Variants in FAM227B observed in about 807,000 individuals in gnomAD.
FAM227B encodes the protein family with sequence similarity 227 member B.
Under a neutral mutation model 73.8 loss-of-function variants are expected in FAM227B, and 88 were observed. That is an observed-to-expected ratio of 1.19 (90% confidence interval 1.00 to 1.42). The LOEUF is 1.42. Among genes scored for constraint, FAM227B ranks in the 40% most tolerant of loss-of-function variants. The pLI is 0.00. For synonymous variants in FAM227B, 210 were observed against 190.5 expected (o/e 1.10, Z -0.84); for missense variants, 632 against 590.9 (o/e 1.07, Z -0.72).
At chr15:49,482,942 A>G (rs1312419509) in intron 11 of FAM227B, among the ~76,000 whole-genome samples, 1 of 152,068 alleles carries the variant, frequency 6.6e-6, no homozygotes. Flanking sequence ...TACAAAATAA[A>G]AAACCATCGG....
At chr15:49,558,926 AC>A (rs1389850582) in intron 9 of FAM227B, among the ~76,000 whole-genome samples, 2 of 151,314 alleles carry the variant, frequency 1.3e-5, no homozygotes, top group Admixed American at 6.6e-5. Context: ...AAAGGTGGAG[AC>A]CCCCCGCCCA....
chr15:49,394,966 T>C (rs181303740), intron 11 of FAM227B, among the ~76,000 whole-genome samples: 81 of 152,302 alleles, frequency 5.3e-4, no homozygotes, highest in Non-Finnish European at 9.1e-4. Flanking sequence ...AAATATTCTT[T>C]AACAATTCTT....
intron 11 of FAM227B, among the ~76,000 whole-genome samples, chr15:49,423,810 A>C (rs11631040): frequency 6.6e-6 from 1 of 151,890 alleles, no homozygotes; most frequent in Non-Finnish European, 1.5e-5. Flanking sequence ...TGAATGGTAC[A>C]GTCATATTCT....
At chr15:49,490,364 C>A (rs1328253550) in intron 11 of FAM227B, among the ~76,000 whole-genome samples, 1 of 151,926 alleles carries the variant, frequency 6.6e-6, no homozygotes, top group Non-Finnish European at 1.5e-5. Flanking sequence ...CAAAGTGATT[C>A]TGTTAAAATA....
At position 49,586,394 on chromosome 15, in the gene FAM227B, T is replaced by C. The variant is rs546603454; in HGVS notation, c.405+1622A>G. On this transcript the variant is annotated intron_variant, in intron 5 of 15. Transcript: ENST00000299338. ...ACCTTATACAAAAGTTAACTCAAGA[T>C]AGATTAAAGACCAAAATGTAAAACC... is the stretch of plus-strand genomic sequence containing the variant. Among the ~76,000 whole-genome samples the C allele has an allele frequency of 2.0e-5, 3 of 152,230 alleles. No homozygotes were observed. The South Asian group carries it at 6.2e-4, about 32-fold the overall frequency.
intron 11 of FAM227B, chr15:49,485,453 A>T (rs2152030491): frequency 6.7e-6 from 1 of 150,136 alleles, no homozygotes; most frequent in South Asian, 2.2e-4. Context: ...TTGTTTTGTT[A>T]TTTAAGTTTA....
At chr15:49,430,841 G>A (rs2050546735) in intron 11 of FAM227B, among the ~76,000 whole-genome samples, 1 of 151,848 alleles carries the variant, frequency 6.6e-6, no homozygotes, top group Non-Finnish European at 1.5e-5. Context: ...CCATCACAAT[G>A]GCAATTAAAT....
intron 6 of FAM227B, 69 bp from the exon 7 acceptor site, chr15:49,576,914 T>A: frequency 1.3e-6 from 1 of 796,802 alleles, no homozygotes; most frequent in Non-Finnish European, 2.1e-6. Context: ...CTCATATAAC[T>A]ACAGAAGACC....
intron 10 of FAM227B, among the ~76,000 whole-genome samples, chr15:49,532,685 A>C (rs1426753832): frequency 6.6e-6 from 1 of 151,822 alleles, no homozygotes; most frequent in African/African-American, 2.4e-5. Context: ...AATATTATTA[A>C]AATATTAGAA....
chr15:49,550,345 C>G (rs901318408), intron 9 of FAM227B, among the ~76,000 whole-genome samples: 2 of 149,586 alleles, frequency 1.3e-5, no homozygotes, highest in South Asian at 4.3e-4. Context: ...CTGACCCCCC[C>G]ACCTCCCTCC....
At chr15:49,477,326 A>G (rs939208218) in intron 11 of FAM227B, among the ~76,000 whole-genome samples, 4 of 152,186 alleles carry the variant, frequency 2.6e-5, no homozygotes, top group African/African-American at 7.2e-5. Flanking sequence ...CCTGTGATTC[A>G]GCTTTTCATC....
chr15:49,362,916 A>G (rs2044500505), intron 13 of FAM227B, among the ~76,000 whole-genome samples: 1 of 152,066 alleles, frequency 6.6e-6, no homozygotes, highest in African/African-American at 2.4e-5. Flanking sequence ...CAACTTTGTC[A>G]AAGGTTAGAT....
chr15:49,451,444 CAT>C (rs1266589937), intron 11 of FAM227B, among the ~76,000 whole-genome samples: 2 of 152,008 alleles, frequency 1.3e-5, no homozygotes, highest in Non-Finnish European at 2.9e-5. Flanking sequence ...TGCTGACAGA[CAT>C]ATATGTATAT....
chr15:49,546,746 A>G (rs1270996237), intron 9 of FAM227B, among the ~76,000 whole-genome samples: 2 of 74,692 alleles, frequency 2.7e-5, no homozygotes, highest in African/African-American at 7.9e-5. Context: ...AAAAAGAATA[A>G]AAAGAAATAA....
chr15:49,334,621 CTGTG>C (rs1251225091), intron 14 of FAM227B, among the ~76,000 whole-genome samples: 1 of 151,944 alleles, frequency 6.6e-6, no homozygotes, highest in Non-Finnish European at 1.5e-5. Context: ...ACACATGCGT[CTGTG>C]GGTGGGTGGG....
intron 11 of FAM227B, among the ~76,000 whole-genome samples, chr15:49,497,636 A>T (rs771264519): frequency 1.4e-4 from 21 of 152,252 alleles, no homozygotes; most frequent in Non-Finnish European, 2.9e-5. Flanking sequence ...CATAAATTTG[A>T]ACAAACTTCT....
chr15:49,482,394 A>G (rs1446935243), intron 11 of FAM227B, among the ~76,000 whole-genome samples: 2 of 152,100 alleles, frequency 1.3e-5, no homozygotes, highest in African/African-American at 4.8e-5. Flanking sequence ...AAAGTTATGA[A>G]GTATTATATA....
chr15:49,615,053 G>C, intron 2 of FAM227B, 68 bp downstream of exon 2: 1 of 1,452,332 alleles, frequency 6.9e-7, no homozygotes, highest in Non-Finnish European at 9.7e-7. Flanking sequence ...TGGGAGCCCT[G>C]ATTACCTGAA....
intron 13 of FAM227B, chr15:49,366,023 G>A (rs2045119470): frequency 1.2e-6 from 1 of 802,454 alleles, no homozygotes; most frequent in Non-Finnish European, 2.3e-6. Flanking sequence ...ACAACTGTAA[G>A]AGGACTAAAA....
Sources: allele counts gnomAD v4.1 joint callset (sites outside exome capture counted in the v4.1 genomes callset), GRCh38; gene constraint gnomAD v4.1.1; transcripts MANE v1.5; gene names NCBI Gene and HGNC (gene_info 2026-07-23, HGNC 2026-07-21).